Variants in FIGN observed in about 807,000 individuals in gnomAD.
The protein encoded by FIGN is fidgetin, microtubule severing factor, also known as fidgetin.
Under a neutral mutation model 51.3 loss-of-function variants are expected in FIGN, and 11 were observed. The ratio of observed to expected loss-of-function variants is 0.21; its 90% confidence interval spans 0.13 to 0.35. The LOEUF is 0.35. Ranked by LOEUF, FIGN falls within the 10% of genes least tolerant of loss-of-function variation. The pLI, the probability that FIGN is intolerant of heterozygous loss-of-function variation, is 1.00. For synonymous variants in FIGN, 407 were observed against 363.2 expected (o/e 1.12, Z -1.37); for missense variants, 857 against 943.6 (o/e 0.91, Z 1.20).
intron 2 of FIGN, among the ~76,000 whole-genome samples, chr2:163,641,806 T>A (rs1683310160): frequency 1.3e-5 from 2 of 152,204 alleles, no homozygotes; most frequent in African/African-American, 4.8e-5. Flanking sequence ...CTTCTTAGAA[T>A]TATAATATGA....
At chr2:163,693,103 G>T (rs187883977) in intron 2 of FIGN, among the ~76,000 whole-genome samples, 7 of 152,296 alleles carry the variant, frequency 4.6e-5, no homozygotes, top group Admixed American at 3.3e-4. Flanking sequence ...TATGTGAACT[G>T]GTCACCAACC....
intron 2 of FIGN, among the ~76,000 whole-genome samples, chr2:163,722,068 C>G (rs747108184): frequency 6.6e-6 from 1 of 152,148 alleles, no homozygotes; most frequent in Admixed American, 6.5e-5. Context: ...GACCCTTCCA[C>G]GAGCACACAA....
intron 2 of FIGN, among the ~76,000 whole-genome samples, chr2:163,719,218 A>C (rs972396528): frequency 6.6e-6 from 1 of 152,184 alleles, no homozygotes; most frequent in Non-Finnish European, 1.5e-5. Flanking sequence ...TATGGATTTT[A>C]AGTTTATTTC....
chr2:163,611,850 A>C, intron 2 of FIGN, 44 bp from the exon 3 acceptor site: 1 of 1,518,036 alleles, frequency 6.6e-7, no homozygotes, highest in Non-Finnish European at 8.9e-7. Flanking sequence ...TTAAATAGGC[A>C]TCAGAACTCT....
At chr2:163,734,744 G>GA (rs745437884) in intron 2 of FIGN, among the ~76,000 whole-genome samples, 159 bp downstream of exon 2, 5 of 151,350 alleles carry the variant, frequency 3.3e-5, no homozygotes, top group African/African-American at 4.9e-5. Context: ...GATAGCAAAA[G>GA]AAAAAAAAGC....
chr2:163,659,051 C>T (rs1683609541), intron 2 of FIGN, among the ~76,000 whole-genome samples: 2 of 152,074 alleles, frequency 1.3e-5, no homozygotes, highest in Admixed American at 6.5e-5. Context: ...TTCATCTAAC[C>T]TTCGAAGTTC....
chr2:163,675,475 C>A (rs1683942700), intron 2 of FIGN, among the ~76,000 whole-genome samples: 1 of 152,156 alleles, frequency 6.6e-6, no homozygotes, highest in Admixed American at 6.5e-5. Context: ...AAATTCAGAG[C>A]CCTAGAGATC....
chr2:163,663,128 C>G (rs1191525097), intron 2 of FIGN, among the ~76,000 whole-genome samples: 1 of 151,986 alleles, frequency 6.6e-6, no homozygotes, highest in South Asian at 2.1e-4. Context: ...ACCATGTTGG[C>G]CAGCCTGGTC....
chr2:163,642,734 T>C (rs1683323136), intron 2 of FIGN, among the ~76,000 whole-genome samples: 1 of 152,188 alleles, frequency 6.6e-6, no homozygotes, highest in African/African-American at 2.4e-5. Flanking sequence ...TCCTCATTAA[T>C]TGTATGTTGG....
intron 2 of FIGN, among the ~76,000 whole-genome samples, chr2:163,638,040 G>C (rs1222781351): frequency 6.6e-6 from 1 of 152,016 alleles, no homozygotes; most frequent in Non-Finnish European, 1.5e-5. Flanking sequence ...CTTCACACCA[G>C]GGGTTTGCTC....
intron 2 of FIGN, among the ~76,000 whole-genome samples, chr2:163,615,728 T>G (rs1682865101): frequency 6.6e-6 from 1 of 152,134 alleles, no homozygotes; most frequent in East Asian, 1.9e-4. Context: ...TTTAACATTA[T>G]TAGAAGCATG....
chr2:163,694,701 A>G (rs571788570), intron 2 of FIGN, among the ~76,000 whole-genome samples: 1 of 152,330 alleles, frequency 6.6e-6, no homozygotes, highest in African/African-American at 2.4e-5. Flanking sequence ...ATGTCCTTTA[A>G]TGGCTGTGCT....
chr2:163,653,764 A>AAAC (rs767746119), intron 2 of FIGN, among the ~76,000 whole-genome samples: 1 of 152,072 alleles, frequency 6.6e-6, no homozygotes, highest in Non-Finnish European at 1.5e-5. Context: ...AAGTCAGTGC[A>AAAC]AACAACAACA....
intron 2 of FIGN, among the ~76,000 whole-genome samples, chr2:163,671,474 C>T (rs1302413988): frequency 2.0e-5 from 3 of 152,166 alleles, no homozygotes; most frequent in Admixed American, 2.0e-4. Context: ...ACAAACTACG[C>T]TATCCTTTGC....
intron 2 of FIGN, among the ~76,000 whole-genome samples, chr2:163,620,986 T>G (rs1682959927): frequency 6.6e-6 from 1 of 151,816 alleles, no homozygotes; most frequent in Non-Finnish European, 1.5e-5. Context: ...ATAAACAAAT[T>G]AAGAAATCTT....
intron 2 of FIGN, among the ~76,000 whole-genome samples, chr2:163,649,781 G>A (rs760296224): frequency 5.9e-5 from 9 of 152,208 alleles, no homozygotes; most frequent in African/African-American, 1.4e-4. Flanking sequence ...AAAATGGCAC[G>A]AATAGTGAGT....
intron 2 of FIGN, among the ~76,000 whole-genome samples, chr2:163,670,205 T>C (rs750199161): frequency 4.6e-5 from 7 of 152,190 alleles, no homozygotes; most frequent in Non-Finnish European, 8.8e-5. Flanking sequence ...CCACAAAGCA[T>C]TATGTCAAAT....
chr2:163,701,578 C>G (rs1196096498), intron 2 of FIGN, among the ~76,000 whole-genome samples: 1 of 152,162 alleles, frequency 6.6e-6, no homozygotes, highest in Non-Finnish European at 1.5e-5. Flanking sequence ...AAGCTTTAGC[C>G]GACAAAGCTC....
intron 2 of FIGN, among the ~76,000 whole-genome samples, chr2:163,641,160 G>C (rs775218669): frequency 3.1e-4 from 47 of 152,238 alleles, no homozygotes; most frequent in Non-Finnish European, 5.3e-4. Flanking sequence ...ATGGAGAAGA[G>C]TAGGCCGCCA....
Sources: gnomAD v4.1 joint callset for allele counts (sites outside exome capture counted in the v4.1 genomes callset) on GRCh38, gnomAD v4.1.1 for gene constraint, MANE v1.5 for transcripts, NCBI Gene and HGNC (gene_info 2026-07-23, HGNC 2026-07-21) for gene names.